Variants in TACC2 observed in about 807,000 individuals in gnomAD.
The protein encoded by TACC2 is transforming acidic coiled-coil-containing protein 2.
TACC2 carries 137 observed loss-of-function variants against 227.3 expected under a neutral mutation model. That is an observed-to-expected ratio of 0.60 (90% CI 0.52 to 0.69). The LOEUF (loss-of-function observed/expected upper bound fraction) is 0.69, where lower values mean the gene tolerates loss of function less well. Among genes scored for constraint, TACC2 ranks in the 30% least tolerant of loss-of-function variants. The pLI is 0.00. For missense variants in TACC2, 3,470 were observed against 3,694.4 expected, an observed-to-expected ratio of 0.94 and a Z score of 1.57; for synonymous variants, 1,523 against 1,487.5, an observed-to-expected ratio of 1.02 and a Z score of -0.55.
Position 122,086,115 on chromosome 10 carries a change from G to A in TACC2, c.3615G>A (p.Arg1205=). ...LPARELGGIP[R]STMDFSTHQA... ...CCAGAGAGCTGGGTGGGATTCCCAG[G>A]AGCACCATGGATTTTTCTACACACC... The change falls in exon 4 of 23, where the codon AGG becomes AGA. Residue 1205 remains arginine, a synonymous_variant. Transcript: ENST00000369005. 1 of 1,613,520 alleles carries A rather than the reference G, an allele frequency of 6.2e-7. No homozygotes were observed. The highest frequency in any genetic ancestry group is 8.5e-7 in the Non-Finnish European group (1 of 1,179,994).
intron 8 of TACC2, among the ~76,000 whole-genome samples, chr10:122,198,096 T>C (rs898934771): frequency 2.0e-5 from 3 of 152,378 alleles, no homozygotes; most frequent in Non-Finnish European, 4.4e-5. Flanking sequence ...AAGATGGTTT[T>C]TCCCCCTGGC....
intron 7 of TACC2, among the ~76,000 whole-genome samples, chr10:122,182,983 C>T (rs2094025259): frequency 1.3e-5 from 2 of 151,878 alleles, no homozygotes; most frequent in South Asian, 2.1e-4. Flanking sequence ...GTGGGTGGAT[C>T]GCTTGAGGCC....
At chr10:122,128,046 G>A (rs1340679094) in intron 5 of TACC2, among the ~76,000 whole-genome samples, 1 of 152,166 alleles carries the variant, frequency 6.6e-6, no homozygotes, top group East Asian at 1.9e-4. Flanking sequence ...CTGCAAGGCA[G>A]AAGGTGGCAG....
intron 2 of TACC2, among the ~76,000 whole-genome samples, chr10:122,029,455 A>G (rs372457100): frequency 3.3e-5 from 5 of 152,084 alleles, no homozygotes; most frequent in East Asian, 3.9e-4. Flanking sequence ...ATTGCTCTGT[A>G]GTTTTCTTTT....
At position 122,211,170 on chromosome 10, in the gene TACC2, G is replaced by C; in HGVS notation, c.6745G>C (p.Asp2249His). ...GGAGGCAGGGGAGGTAACCCCATCG[G>C]ATAGCGGGGGGCAAGAGGACTCTCC... ...APEAGEVTPSDSGGQEDSPAK... is the reference protein window; with the variant it reads ...APEAGEVTPSHSGGQEDSPAK... Residue 2249 changes from aspartate (D) to histidine (H), a missense_variant, in exon 9 of 23, where the codon GAT (aspartate) becomes CAT (histidine). Physicochemically the swap from Asp to His is moderately conservative, Grantham distance 81 (BLOSUM62 -1). Coordinates refer to ENST00000369005, the MANE Select transcript of TACC2 (RefSeq NM_206862.4). The C allele has an allele frequency of 6.2e-7, 1 of 1,612,394 alleles. No individual in the cohort carries two copies. Among genetic ancestry groups the C allele is most frequent in the Non-Finnish European group, 8.5e-7 (1 of 1,179,186 alleles).
intron 7 of TACC2, among the ~76,000 whole-genome samples, chr10:122,173,828 T>C (rs1216329725): frequency 6.6e-6 from 1 of 152,230 alleles, no homozygotes; most frequent in Non-Finnish European, 1.5e-5. Flanking sequence ...GAGCCTGCTA[T>C]GGAGCACACA....
intron 2 of TACC2, among the ~76,000 whole-genome samples, chr10:122,035,160 G>C (rs1959864566): frequency 6.6e-6 from 1 of 152,168 alleles, no homozygotes; most frequent in Non-Finnish European, 1.5e-5. Flanking sequence ...ATCTCACAGA[G>C]GTCTTCCATC....
intron 2 of TACC2, chr10:122,033,209 T>C (rs1415946925): frequency 6.8e-6 from 8 of 1,176,564 alleles, no homozygotes; most frequent in South Asian, 1.3e-5. Flanking sequence ...TCCTAACGTC[T>C]AGATGGTTGC....
At chr10:122,153,203 C>G (rs1044998706) in intron 7 of TACC2, among the ~76,000 whole-genome samples, 10 of 152,164 alleles carry the variant, frequency 6.6e-5, no homozygotes, top group African/African-American at 2.4e-4. Context: ...ACCATGTTGG[C>G]CTGGCTGGTC....
intron 5 of TACC2, among the ~76,000 whole-genome samples, chr10:122,126,274 T>G (rs2421001): frequency 1.3e-5 from 2 of 151,536 alleles, no homozygotes; most frequent in Non-Finnish European, 2.9e-5. Flanking sequence ...TCTAAATGGA[T>G]TCATAGATTA....
intron 1 of TACC2, among the ~76,000 whole-genome samples, chr10:122,004,397 C>CA (rs140584119): frequency 0.091 from 9,453 of 103,990 alleles, 398 homozygotes; most frequent in South Asian, 0.21. Flanking sequence ...GACTCTGTCT[C>CA]AAAAAAAAAA....
At chr10:122,003,146 T>C (rs939349513) in intron 1 of TACC2, among the ~76,000 whole-genome samples, 2 of 151,940 alleles carry the variant, frequency 1.3e-5, no homozygotes, top group Non-Finnish European at 2.9e-5. Context: ...GAGGTTGCAG[T>C]GAGCCGAGAT....
chr10:122,228,001 T>C lies in TACC2; in HGVS notation c.7889T>C (p.Ile2630Thr). 6.2e-7 allele frequency: 1 copy of C among 1,612,466 alleles called. No individual in the cohort carries two copies. Among genetic ancestry groups the C allele is most frequent in the African/African-American group, 1.3e-5 (1 of 74,990 alleles). Residue 2630 changes from isoleucine (I) to threonine (T), a missense_variant, in exon 14 of 23, where the codon ATT becomes ACT. Physicochemically the swap from Ile to Thr is moderately conservative, Grantham distance 89. This residue lies in a region of TACC2 where 345 missense variants were observed against 354.4 expected (regional missense o/e 0.97). Coordinates refer to ENST00000369005, the MANE Select transcript of TACC2 (RefSeq NM_206862.4). Reference sequence around the variant, plus strand: ...GGCTTGGGCACCCCTTCAGAAGCGATTGAAATTGTAAGTGGAGTTGGAGGG... The same window carrying C: ...GGCTTGGGCACCCCTTCAGAAGCGACTGAAATTGTAAGTGGAGTTGGAGGG... ...AMGLGTPSEA[I>T]EITAPEGSFA...
chr10:122,163,417 C>A, intron 7 of TACC2: 1 of 282,334 alleles, frequency 3.5e-6, no homozygotes, highest in Non-Finnish European at 5.3e-6. Context: ...CATTTCAAAG[C>A]TACACAATGC....
In TACC2 at chr10:122,208,095, C is replaced by T. The variant is rs76337109; in HGVS notation, c.5972-2302C>T. 1.8e-3 allele frequency among the ~76,000 whole-genome samples: 272 copies of T among 152,272 alleles called. 9 individuals carry two copies. In the East Asian group the frequency reaches 0.043, roughly 24 times the overall value. On this transcript the variant is annotated intron_variant, in intron 8 of 22. Transcript: ENST00000369005. ...TTGATTTTAGAAAGAAGCGAGGCAACACCTTTTGAAATGAGAAGGAAGGAG... is the reference window on the plus strand; with the variant it reads ...TTGATTTTAGAAAGAAGCGAGGCAATACCTTTTGAAATGAGAAGGAAGGAG...
intron 5 of TACC2, chr10:122,113,181 C>T: frequency 6.6e-6 from 1 of 152,298 alleles, no homozygotes. Context: ...TTGGCAGTTG[C>T]GACTCCGAAC....
intron 7 of TACC2, among the ~76,000 whole-genome samples, chr10:122,171,217 T>C (rs2093457072): frequency 6.6e-6 from 1 of 152,234 alleles, no homozygotes; most frequent in Non-Finnish European, 1.5e-5. Flanking sequence ...TCAGAAGGAC[T>C]TGTTTCCTCT....
At chr10:122,108,976 G>A (rs556038570) in intron 5 of TACC2, among the ~76,000 whole-genome samples, 7 of 150,498 alleles carry the variant, frequency 4.7e-5, no homozygotes, top group East Asian at 4.0e-4. Flanking sequence ...CTCGTGATCC[G>A]CCCACCTCGG....
Position 122,248,798 on chromosome 10 carries a change from C to G in TACC2, c.8548C>G (p.Arg2850Gly), listed in dbSNP as rs761622230. The G allele has an allele frequency of 6.2e-7, 1 of 1,613,932 alleles. No homozygotes were observed. The highest frequency in any genetic ancestry group is 1.3e-5 in the African/African-American group (1 of 74,876). The change falls in exon 20 of 23, where the codon CGC becomes GGC. Residue 2850 changes from arginine (R) to glycine (G), a missense_variant. Physicochemically the swap from Arg to Gly is moderately radical, Grantham distance 125. Around this residue, in one of 10 missense-constraint regions of TACC2, gnomAD observed 65 missense variants for 119.3 expected, o/e 0.54. Transcript: ENST00000369005. ...GATGAAGGAGGTCCTAGAAGGCTTC[C>G]GCAAGGTAGGGCTGAGTTTGGGGGC... ...EKMKEVLEGFRKNEEVLKRCA... is the reference protein window; with the variant it reads ...EKMKEVLEGFGKNEEVLKRCA...
Sources: allele counts gnomAD v4.1 joint callset (sites outside exome capture counted in the v4.1 genomes callset), GRCh38; gene constraint gnomAD v4.1.1; regional missense constraint gnomAD v4.1.1; transcripts MANE v1.5; gene names NCBI Gene and HGNC (gene_info 2026-07-23, HGNC 2026-07-21).